The following PLEC variants were observed in gnomAD, a reference collection of about 807,000 sequenced individuals.
PLEC encodes plectin, also known as hemidesmosomal protein 1.
In PLEC, 216 loss-of-function variants were observed where a neutral mutation model predicts 392.8. That is an observed-to-expected ratio of 0.55 (90% CI 0.49 to 0.62). The LOEUF is 0.62. Among genes scored for constraint, PLEC ranks in the 20% least tolerant of loss-of-function variants. The pLI is 0.00. For missense variants in PLEC, 6,863 were observed against 6,563.4 expected, an observed-to-expected ratio of 1.05 and a Z score of -1.58; for synonymous variants, 3,621 against 2,980.6, an observed-to-expected ratio of 1.21 and a Z score of -7.00.
At chr8:143,957,966 A>G (rs1245434265), upstream of PLEC, among the ~76,000 whole-genome samples, 1 of 152,150 alleles carries the variant, frequency 6.6e-6, no homozygotes, top group African/African-American at 2.4e-5. Context: ...GGCCCCCGAC[A>G]ATAGCCCCAG....
At chr8:143,936,904 A>G (rs1451318450) in intron 5 of PLEC, 75 bp downstream of exon 5, 2 of 1,196,510 alleles carry the variant, frequency 1.7e-6, no homozygotes, top group Non-Finnish European at 2.5e-6. Flanking sequence ...AAGCGGATCA[A>G]CCCGCCAGCC....
At chr8:143,936,760 C>T (rs1554723679) in intron 5 of PLEC, among the ~76,000 whole-genome samples, 1 of 152,188 alleles carries the variant, frequency 6.6e-6, no homozygotes, top group Admixed American at 6.5e-5. Context: ...CCAGAGGGCA[C>T]GGATAGGTGG....
Position 143,926,971 on chromosome 8 carries a change from C to G in PLEC, c.3945+6G>C. The G allele has an allele frequency of 6.2e-7, 1 of 1,612,454 alleles. No homozygotes were observed. Reference sequence around the variant, plus strand: ...CCTCACCCAGTTAGGTTCGGCCCCACCCTACCTCCTGGATGACACTCTCTG... The same window carrying G: ...CCTCACCCAGTTAGGTTCGGCCCCAGCCTACCTCCTGGATGACACTCTCTG... On this transcript the variant is annotated splice_donor_region_variant and intron_variant, in intron 29 of 31. Transcript: ENST00000345136.
chr8:143,942,280 A>G (rs1830627190), upstream of PLEC: 3 of 1,318,280 alleles, frequency 2.3e-6, no homozygotes, highest in Non-Finnish European at 3.2e-6. Flanking sequence ...GCACCGGGCC[A>G]AGGCGCCACC....
At position 143,937,041 on chromosome 8, in the gene PLEC, T is replaced by C. The variant is rs1369523587; in HGVS notation, c.373A>G (p.Ile125Val). 3 of 1,612,896 alleles carry C rather than the reference T, an allele frequency of 1.9e-6. No individual in the cohort carries two copies. The highest frequency in any genetic ancestry group is 2.2e-5 in the East Asian group (1 of 44,866). The change falls in exon 5 of 32, where the codon ATC (isoleucine) becomes GTC (valine). Residue 125 changes from isoleucine (I) to valine (V), a missense_variant. Transcript: ENST00000345136. ...VKLVNIRNDD[I>V]ADGNPKLTLG... ...GTCAGCTTGGGGTTGCCGTCAGCGA[T>C]GTCATCATTCCTGATGTTCACCAGC...
rs1554668952 is a variant in PLEC at position 143,916,395 on chromosome 8, T to C, written c.13426A>G (p.Ser4476Gly). ...CCGGAGCCGCTGACGCTGTAGGGGCTGTAGTAGCCCTTGGTGGACTGCGCG... is the reference window on the plus strand; with the variant it reads ...CCGGAGCCGCTGACGCTGTAGGGGCCGTAGTAGCCCTTGGTGGACTGCGCG... ...AAAQSTKGYYSPYSVSGSGST... is the reference protein window; with the variant it reads ...AAAQSTKGYYGPYSVSGSGST... The change falls in exon 32 of 32, where the codon AGC becomes GGC. Residue 4476 changes from serine (S) to glycine (G), a missense_variant. By Grantham distance (56) the Ser-to-Gly change is moderately conservative (BLOSUM62 0). Coordinates refer to ENST00000345136, the MANE Select transcript of PLEC (RefSeq NM_201384.3). 1.9e-6 allele frequency: 3 copies of C among 1,611,248 alleles called. No individual in the cohort carries two copies. In the South Asian group the frequency reaches 3.3e-5, roughly 18 times the overall value.
At chr8:143,933,786 G>A (rs1158076079) in intron 12 of PLEC, among the ~76,000 whole-genome samples, 2 of 152,190 alleles carry the variant, frequency 1.3e-5, no homozygotes, top group Non-Finnish European at 2.9e-5. Flanking sequence ...CCCGTGGCCA[G>A]AAACCAACTC....
chr8:143,935,191 G>C lies in PLEC; in HGVS notation c.718+7C>G. ...AAGGGACAGGGAGGAAGGCCACGCA[G>C]ACGTACCCTCAGGGTCCAGGAGCCG... On this transcript the variant is annotated splice_region_variant and intron_variant, in intron 7 of 31. Coordinates refer to ENST00000345136, the MANE Select transcript of PLEC (RefSeq NM_201384.3). 1 of 1,611,896 alleles carries C rather than the reference G, an allele frequency of 6.2e-7. No homozygotes were observed. Among genetic ancestry groups the C allele is most frequent in the East Asian group, 2.2e-5 (1 of 44,868 alleles).
In PLEC at chr8:143,918,990, C is replaced by T. The variant is rs201595670; in HGVS notation, c.10831G>A (p.Gly3611Ser). Residue 3611 changes from glycine to serine, a missense_variant, in exon 32 of 32, where the codon GGC becomes AGC. Coordinates refer to ENST00000345136, the MANE Select transcript of PLEC (RefSeq NM_201384.3). ...RAQLMADFQA[G>S]RVTKERMIII... Reference sequence around the variant, plus strand: ...ATCATGCGTTCCTTGGTCACCCGGCCGGCCTGGAAGTCAGCCATCAGCTGG... The same window carrying T: ...ATCATGCGTTCCTTGGTCACCCGGCTGGCCTGGAAGTCAGCCATCAGCTGG... 3.4e-5 allele frequency: 54 copies of T among 1,611,114 alleles called. No homozygotes were observed. The highest frequency in any genetic ancestry group is 6.6e-5 in the South Asian group (6 of 91,094).
At position 143,921,033 on chromosome 8, in the gene PLEC, A is replaced by T. The variant is rs781997050; in HGVS notation, c.8788T>A (p.Ser2930Thr). The change falls in exon 32 of 32, where the codon TCG becomes ACG. Residue 2930 changes from serine (S) to threonine (T), a missense_variant. Coordinates refer to ENST00000345136, the MANE Select transcript of PLEC (RefSeq NM_201384.3). Reference sequence around the variant, plus strand: ...CGCTGCTCTGCCGTGAAGTATTCCGAGTTGATGATCTCCCAAATGGTCACC... The same window carrying T: ...CGCTGCTCTGCCGTGAAGTATTCCGTGTTGATGATCTCCCAAATGGTCACC... Reference protein sequence around the residue: ...KTVTIWEIINSEYFTAEQRRD... With the variant: ...KTVTIWEIINTEYFTAEQRRD... 6.8e-6 allele frequency: 11 copies of T among 1,612,864 alleles called. 1 individual carries two copies. In the South Asian group the frequency reaches 1.2e-4, roughly 18 times the overall value.
intron 1 of PLEC, among the ~76,000 whole-genome samples, chr8:143,970,084 C>T (rs969693033): frequency 6.6e-6 from 1 of 152,116 alleles, no homozygotes; most frequent in African/African-American, 2.4e-5. Context: ...CTACTCTCCC[C>T]TGTCCTGGAC....
In PLEC at chr8:143,924,574, G is replaced by C; in HGVS notation, c.5355C>G (p.Ser1785=). ...EEESRSTSEK[S]KQRLEAEAGR... ...CGGCCTCGGCCTCCAGCCTCTGCTT[G>C]GACTTCTCGCTGGTGGAGCGCGACT... The change falls in exon 31 of 32, where the codon TCC becomes TCG. Residue 1785 remains serine, a synonymous_variant. Transcript: ENST00000345136. The C allele has an allele frequency of 6.4e-7, 1 of 1,551,820 alleles. No individual in the cohort carries two copies.
chr8:143,944,127 C>G (rs1028098381), upstream of PLEC, among the ~76,000 whole-genome samples: 1 of 152,144 alleles, frequency 6.6e-6, no homozygotes, highest in South Asian at 2.1e-4. Flanking sequence ...CGCTCCCCAC[C>G]CGGCCGGCTC....
Position 143,932,421 on chromosome 8 carries a change from G to T in PLEC, c.1956C>A (p.Thr652=). The change falls in exon 16 of 32, where the codon ACC becomes ACA. Residue 652 remains threonine (T), a synonymous_variant. Coordinates refer to ENST00000345136, the MANE Select transcript of PLEC (RefSeq NM_201384.3). ...TCACCGAGTAGCTCTCCTTCTTGGC[G>T]GTCATGTTGGTGTTGCGGTCGCTCC... ...FDWSDRNTNM[T]AKKESYSALM... is the part of the protein sequence containing the mutation. 1 of 1,612,862 alleles carries T rather than the reference G, an allele frequency of 6.2e-7. No homozygotes were observed. Among genetic ancestry groups the T allele is most frequent in the Non-Finnish European group, 8.5e-7 (1 of 1,179,978 alleles).
At chr8:143,944,794 T>TGA in intron 1 of PLEC, 2 of 967,484 alleles carry the variant, frequency 2.1e-6, no homozygotes, top group Non-Finnish European at 2.7e-6. Flanking sequence ...CGTGCTGCTG[T>TGA]CAGCAGCAGC....
Position 143,927,562 on chromosome 8 carries a change from G to C in PLEC, c.3604C>G (p.Leu1202Val). 6.3e-7 allele frequency: 1 copy of C among 1,593,098 alleles called. No individual in the cohort carries two copies. The highest frequency in any genetic ancestry group is 8.5e-7 in the Non-Finnish European group (1 of 1,177,266). ...LAQTDVRQRELEQLGRQLRYY... is the reference protein window; with the variant it reads ...LAQTDVRQREVEQLGRQLRYY... ...CGCAGCTGGCGGCCCAGTTGCTCGA[G>C]CTCGCGCTGCCGCACGTCGGTCTGG... The change falls in exon 27 of 32, where the codon CTC (leucine) becomes GTC (valine). Residue 1202 changes from leucine (L) to valine (V), a missense_variant. By Grantham distance (32) the Leu-to-Val change is conservative. Transcript: ENST00000345136.
rs372179538 is a variant in PLEC at position 143,924,104 on chromosome 8, G to A, written c.5825C>T (p.Ala1942Val). The change falls in exon 31 of 32, where the codon GCG becomes GTG. Residue 1942 changes from alanine (A) to valine (V), a missense_variant. Transcript: ENST00000345136. Reference protein sequence around the residue: ...ASFEKAAAGKAELELELGRIR... With the variant: ...ASFEKAAAGKVELELELGRIR... The stretch of plus-strand genomic sequence containing the variant: ...GCGTCCCAGCTCCAGCTCCAGCTCC[G>A]CCTTGCCAGCGGCCGCCTTCTCGAA... The A allele has an allele frequency of 6.7e-5, 107 of 1,598,514 alleles. No individual in the cohort carries two copies. The highest frequency in any genetic ancestry group is 4.8e-4 in the African/African-American group (36 of 74,932).
chr8:143,930,339 C>T (rs1554713580), intron 20 of PLEC, 41 bp from the exon 21 acceptor site: 7 of 1,586,666 alleles, frequency 4.4e-6, no homozygotes, highest in Admixed American at 3.5e-5. Flanking sequence ...CCACACCCTG[C>T]CCTGCCTGGC....
rs1292581566 is a variant in PLEC, at chr8:143,950,063, G to A, written c.523+121C>T. On this transcript the variant is annotated intron_variant, in intron 1 of 31. Coordinates refer to the PLEC transcript ENST00000322810. ...GCTAGGGGGGGCCACCTGCTGGTGTGAGCGACGCTCCGCAAGCCGGCTGAC... is the reference window on the plus strand; with the variant it reads ...GCTAGGGGGGGCCACCTGCTGGTGTAAGCGACGCTCCGCAAGCCGGCTGAC... The A allele has an allele frequency of 3.1e-6, 4 of 1,301,360 alleles. No individual in the cohort carries two copies. In the Admixed American group the frequency reaches 1.2e-4, roughly 38 times the overall value. 80.6% of individuals were successfully genotyped at this position (1,301,360 alleles called of 1,614,324 possible). A position where few individuals can be genotyped will look rare whatever the true frequency, so the allele number is the denominator to read the frequency against.
Sources: gnomAD v4.1 joint callset for allele counts (sites outside exome capture counted in the v4.1 genomes callset) on GRCh38, gnomAD v4.1.1 for gene constraint, MANE v1.5 for transcripts, NCBI Gene and HGNC (gene_info 2026-07-23, HGNC 2026-07-21) for gene names.